The following STAB2 variants were observed in gnomAD, a reference collection of about 807,000 sequenced individuals.
The protein encoded by STAB2 is stabilin 2, also known as stabilin-2.
In STAB2, 288 loss-of-function variants were observed where a neutral mutation model predicts 338.1. The ratio of observed to expected loss-of-function variants is 0.85; its 90% confidence interval spans 0.77 to 0.94. STAB2 has a LOEUF of 0.94. STAB2 is among the 40% of genes least tolerant of loss of function. The pLI, the probability that STAB2 is intolerant of heterozygous loss-of-function variation, is 0.00. For synonymous variants in STAB2, 1,202 were observed against 1,193.3 expected, an observed-to-expected ratio of 1.01 and a Z score of -0.15; for missense variants, 3,141 against 3,210.1, an observed-to-expected ratio of 0.98 and a Z score of 0.52.
At chr12:103,653,613 T>TGGAG (rs1434192548) in intron 12 of STAB2, among the ~76,000 whole-genome samples, 3 of 146,066 alleles carry the variant, frequency 2.1e-5, no homozygotes, top group African/African-American at 7.7e-5. Flanking sequence ...ACTGGATGGA[T>TGGAG]GGATGGATGG....
At chr12:103,623,347 T>C (rs941824428) in intron 5 of STAB2, among the ~76,000 whole-genome samples, 12 of 152,136 alleles carry the variant, frequency 7.9e-5, no homozygotes, top group Non-Finnish European at 1.6e-4. Flanking sequence ...GTACCTTACA[T>C]GGCAAAGAGA....
intron 2 of STAB2, among the ~76,000 whole-genome samples, chr12:103,591,754 T>G (rs1259543686): frequency 1.3e-5 from 2 of 152,230 alleles, no homozygotes; most frequent in Non-Finnish European, 2.9e-5. Context: ...TTTGCATTCT[T>G]GAAGACCTCT....
In STAB2 at chr12:103,640,188, T is replaced by C; in HGVS notation, c.972T>C (p.Asp324=). The change falls in exon 9 of 69, where the codon GAT becomes GAC. Residue 324 remains aspartate, a synonymous_variant. Transcript: ENST00000388887. Reference sequence around the variant, plus strand: ...CTGGAGTGGGGTGCAGTATGACTGATATATGTAAATCAGATAACCCGTGTC... The same window carrying C: ...CTGGAGTGGGGTGCAGTATGACTGACATATGTAAATCAGATAACCCGTGTC... ...FVPGVGCSMT[D]ICKSDNPCHR... 6.2e-7 allele frequency: 1 copy of C among 1,613,914 alleles called. No homozygotes were observed. Among genetic ancestry groups the C allele is most frequent in the Non-Finnish European group, 8.5e-7 (1 of 1,179,862 alleles).
Position 103,637,203 on chromosome 12 carries a change from C to G in STAB2, c.676C>G (p.Pro226Ala). 6.2e-7 allele frequency: 1 copy of G among 1,612,424 alleles called. No homozygotes were observed. Among genetic ancestry groups the G allele is most frequent in the East Asian group, 2.2e-5 (1 of 44,822 alleles). Residue 226 changes from proline (P) to alanine (A), a missense_variant, in exon 7 of 69, where the codon CCC becomes GCC. Physicochemically the swap from Pro to Ala is conservative, Grantham distance 27. Transcript: ENST00000388887. ...DENKLECKCL[P>A]NYRGDGKYCD... ...AAACAAACTGGAATGCAAATGCCTT[C>G]CCAATTACCGAGGCGATGGCAAATA...
intron 43 of STAB2, among the ~76,000 whole-genome samples, chr12:103,716,156 T>C (rs1016849994): frequency 6.6e-6 from 1 of 152,228 alleles, no homozygotes. Context: ...CAGAAGCATC[T>C]AGACAGTCCC....
chr12:103,634,332 G>A (rs777388606), intron 6 of STAB2, among the ~76,000 whole-genome samples: 5 of 152,098 alleles, frequency 3.3e-5, no homozygotes, highest in South Asian at 2.1e-4. Context: ...ACATGAGGTC[G>A]CACTAATTCC....
intron 13 of STAB2, chr12:103,654,975 A>G (rs1874072181): frequency 1.8e-6 from 1 of 547,560 alleles, no homozygotes; most frequent in Non-Finnish European, 3.1e-6. Context: ...ACCAATCATC[A>G]TGAAAATATT....
At chr12:103,736,330 A>G (rs1395405580) in intron 52 of STAB2, among the ~76,000 whole-genome samples, 1 of 152,214 alleles carries the variant, frequency 6.6e-6, no homozygotes, top group Non-Finnish European at 1.5e-5. Flanking sequence ...AAAGGGATGC[A>G]TCTCCCAATT....
chr12:103,739,585 A>C, intron 54 of STAB2, 117 bp downstream of exon 54: 1 of 697,688 alleles, frequency 1.4e-6, no homozygotes, highest in Non-Finnish European at 2.1e-6. Flanking sequence ...CCGTGCACGT[A>C]TGTTGCATAA....
At chr12:103,662,746 CTT>C in intron 17 of STAB2, 98 bp from the exon 18 acceptor site, 1 of 1,454,398 alleles carries the variant, frequency 6.9e-7, no homozygotes, top group Non-Finnish European at 9.3e-7. Context: ...ATGTTGAGGA[CTT>C]TTTAGCAAAG....
In STAB2 at chr12:103,763,681, G is replaced by T. The variant is rs968553324; in HGVS notation, c.7605+73G>T. On this transcript the variant is annotated intron_variant, in intron 68 of 68. Coordinates refer to ENST00000388887, the MANE Select transcript of STAB2 (RefSeq NM_017564.10). ...GAATGATGTCTTTTAGGAAATTTCA[G>T]TGGAGATCTTTGTACCAAAGAAGGT... 7.2e-5 allele frequency: 97 copies of T among 1,338,198 alleles called. No homozygotes were observed. In the South Asian group the frequency reaches 8.5e-4, roughly 12 times the overall value. 82.9% of individuals were successfully genotyped at this position (1,338,198 alleles called of 1,614,324 possible). A position where few individuals can be genotyped will look rare whatever the true frequency, so the allele number is the denominator to read the frequency against.
intron 29 of STAB2, 21 bp from the exon 30 acceptor site, chr12:103,690,403 C>G (rs1241908592): frequency 4.4e-6 from 7 of 1,580,592 alleles, no homozygotes; most frequent in South Asian, 2.2e-5. Context: ...GAATTATAGC[C>G]TTTGTGGACT....
At chr12:103,684,083 A>C (rs985146916) in intron 26 of STAB2, among the ~76,000 whole-genome samples, 8 of 152,144 alleles carry the variant, frequency 5.3e-5, no homozygotes, top group South Asian at 2.1e-4. Context: ...CCTCTGAGAC[A>C]ATGTGACCTC....
At chr12:103,719,742 A>T (rs1411212131) in intron 44 of STAB2, among the ~76,000 whole-genome samples, 1 of 151,678 alleles carries the variant, frequency 6.6e-6, no homozygotes, top group African/African-American at 2.4e-5. Context: ...TTGCATCCAC[A>T]GTTGCATCCA....
At chr12:103,758,764 A>G (rs1420539872) in intron 64 of STAB2, among the ~76,000 whole-genome samples, 1 of 152,224 alleles carries the variant, frequency 6.6e-6, no homozygotes, top group Admixed American at 6.5e-5. Flanking sequence ...CCTTCTTCAT[A>G]TCACGGCACA....
At chr12:103,763,864 C>A (rs1166928932) in intron 68 of STAB2, 7 of 344,122 alleles carry the variant, frequency 2.0e-5, no homozygotes, top group South Asian at 8.7e-5. Flanking sequence ...GTTATCCAAG[C>A]CCAATCTCAT....
At chr12:103,652,406 C>A (rs1873809450) in intron 11 of STAB2, 150 bp from the exon 12 acceptor site, 2 of 593,442 alleles carry the variant, frequency 3.4e-6, no homozygotes, top group Non-Finnish European at 5.6e-6. Context: ...GTATAATTGT[C>A]AGTGCTTTCA....
rs1206227366 is a variant in STAB2, at chr12:103,675,958, T to C, written c.2583T>C (p.Asp861=). The change falls in exon 24 of 69, where the codon GAT becomes GAC. Residue 861 remains aspartate (D), a synonymous_variant. Coordinates refer to ENST00000388887, the MANE Select transcript of STAB2 (RefSeq NM_017564.10). The part of the protein sequence containing the change: ...SCICKAGYEG[D]GTLCSEMDPC... The stretch of plus-strand genomic sequence containing the variant: ...TTTGCAAAGCAGGATATGAAGGAGA[T>C]GGAACTCTGTGTTCTGAGATGGACC... 6.2e-7 allele frequency: 1 copy of C among 1,613,530 alleles called. No individual in the cohort carries two copies. The highest frequency in any genetic ancestry group is 1.3e-5 in the African/African-American group (1 of 74,822).
At chr12:103,722,501 G>A (rs1880846946) in intron 44 of STAB2, among the ~76,000 whole-genome samples, 1 of 152,206 alleles carries the variant, frequency 6.6e-6, no homozygotes, top group African/African-American at 2.4e-5. Flanking sequence ...AAGGAAAGTA[G>A]AAACATAGAC....
Sources: allele counts gnomAD v4.1 joint callset (sites outside exome capture counted in the v4.1 genomes callset), GRCh38; gene constraint gnomAD v4.1.1; transcripts MANE v1.5; gene names NCBI Gene and HGNC (gene_info 2026-07-23, HGNC 2026-07-21).